CEP63: variants seen among roughly 807,000 people sequenced by gnomAD.
CEP63 encodes centrosomal protein 63.
CEP63 carries 84 observed loss-of-function variants against 89.1 expected under a neutral mutation model. That is an observed-to-expected ratio of 0.94 (90% CI 0.79 to 1.13). The LOEUF (loss-of-function observed/expected upper bound fraction) is 1.13. Among genes scored for constraint, CEP63 ranks in the 50% most tolerant of loss-of-function variants. The pLI is 0.00. For missense variants in CEP63, 838 were observed against 813.3 expected (o/e 1.03, Z -0.37); for synonymous variants, 267 against 272.5 (o/e 0.98, Z 0.20).
At chr3:134,610,675 C>T in the CEP63 span, 556 of 305,062 alleles carry the variant, frequency 1.8e-3, 8 homozygotes, top group Middle Eastern at 8.9e-4. Flanking sequence ...ATGTTCATCC[C>T]TAGAGCCTGC....
intron 3 of CEP63, among the ~76,000 whole-genome samples, chr3:134,527,347 C>T (rs568538451): frequency 6.6e-6 from 1 of 152,224 alleles, no homozygotes; most frequent in South Asian, 2.1e-4. Flanking sequence ...GTGGTTGCTC[C>T]ATGCAGGGGA....
At chr3:134,733,649 A>T in the CEP63 span, among the ~76,000 whole-genome samples, 1 of 152,162 alleles carries the variant, frequency 6.6e-6, no homozygotes, top group Non-Finnish European at 1.5e-5. Flanking sequence ...GTGCCAGTGG[A>T]GGCAGAGACT....
intron 12 of CEP63, among the ~76,000 whole-genome samples, chr3:134,554,087 C>T (rs1204137901): frequency 1.3e-5 from 2 of 151,946 alleles, no homozygotes; most frequent in East Asian, 1.9e-4. Context: ...TTATTTTTTT[C>T]CTTTTATTAT....
At chr3:134,580,571 G>A (rs951284459) in intron 10 of CEP63, among the ~76,000 whole-genome samples, 3 of 152,078 alleles carry the variant, frequency 2.0e-5, no homozygotes, top group African/African-American at 4.8e-5. Flanking sequence ...TGGCAAAACC[G>A]TGATACCAAA....
chr3:134,541,375 TTAGTG>T (rs1434919920), intron 6 of CEP63, among the ~76,000 whole-genome samples: 2 of 152,276 alleles, frequency 1.3e-5, no homozygotes, highest in East Asian at 3.9e-4. Flanking sequence ...AAAAATTACT[TTAGTG>T]TAAGGTATTT....
chr3:134,501,138 A>G (rs113164415), intron 2 of CEP63, among the ~76,000 whole-genome samples: 10 of 152,176 alleles, frequency 6.6e-5, no homozygotes, highest in African/African-American at 1.7e-4. Flanking sequence ...GTTGAAGATC[A>G]GTTCATTGTA....
the CEP63 span, among the ~76,000 whole-genome samples, chr3:134,727,777 G>T: frequency 6.6e-6 from 1 of 152,174 alleles, no homozygotes; most frequent in Non-Finnish European, 1.5e-5. Flanking sequence ...GCATGTGTTA[G>T]GGAAGAAACA....
At chr3:134,771,170 G>T in the CEP63 span, among the ~76,000 whole-genome samples, 3 of 152,160 alleles carry the variant, frequency 2.0e-5, no homozygotes, top group Non-Finnish European at 4.4e-5. Flanking sequence ...CATCCACTTT[G>T]CTGGCTTCCT....
At chr3:134,693,450 A>T in the CEP63 span, among the ~76,000 whole-genome samples, 1,139 of 152,190 alleles carry the variant, frequency 7.5e-3, 66 homozygotes, top group South Asian at 0.13. Context: ...TAAGCAAAAA[A>T]AAGAAAAGTA....
intron 11 of CEP63, 39 bp downstream of exon 11, chr3:134,550,299 G>T: frequency 3.2e-6 from 5 of 1,573,862 alleles, no homozygotes; most frequent in Non-Finnish European, 4.4e-6. Context: ...TTTGAAATTT[G>T]TTTTAAAGAT....
the CEP63 span, chr3:134,604,202 T>C: frequency 6.2e-7 from 1 of 1,612,772 alleles, no homozygotes; most frequent in Non-Finnish European, 8.5e-7. Flanking sequence ...GAGAACCAGC[T>C]GGGGCCCACG....
chr3:134,742,237 T>C, the CEP63 span, among the ~76,000 whole-genome samples: 3 of 152,142 alleles, frequency 2.0e-5, no homozygotes, highest in Non-Finnish European at 4.4e-5. Flanking sequence ...CTCATACTCC[T>C]GGGTCTTCTT....
At chr3:134,570,962 A>T (rs1483290316) in intron 11 of CEP63, among the ~76,000 whole-genome samples, 1 of 152,162 alleles carries the variant, frequency 6.6e-6, no homozygotes, top group Non-Finnish European at 1.5e-5. Flanking sequence ...AAAACATCAG[A>T]TCTCATGAGA....
chr3:134,532,968 T>G, intron 5 of CEP63, 68 bp downstream of exon 5: 1 of 1,555,920 alleles, frequency 6.4e-7, no homozygotes. Flanking sequence ...CGGTTTCTAA[T>G]GGCACTATTT....
intron 1 of CEP63, among the ~76,000 whole-genome samples, chr3:134,491,017 T>A (rs1937429239): frequency 6.6e-6 from 1 of 152,236 alleles, no homozygotes; most frequent in South Asian, 2.1e-4. Context: ...TTACAAATAG[T>A]CATGCAGTGA....
At chr3:134,750,829 G>C in the CEP63 span, among the ~76,000 whole-genome samples, 2 of 152,188 alleles carry the variant, frequency 1.3e-5, no homozygotes, top group Non-Finnish European at 2.9e-5. Context: ...AGAAAGCTTT[G>C]TTTGCTTTTT....
intron 9 of CEP63, 57 bp from the exon 10 acceptor site, chr3:134,549,005 A>G (rs1954225772): frequency 9.8e-7 from 1 of 1,022,778 alleles, no homozygotes. Context: ...TAGATAGTCC[A>G]ATTTATAGGT....
chr3:134,632,486 T>C, the CEP63 span, among the ~76,000 whole-genome samples: 128 of 152,048 alleles, frequency 8.4e-4, no homozygotes, highest in African/African-American at 3.0e-3. Flanking sequence ...TATTAAAAAT[T>C]AACATACTTT....
chr3:134,646,348 T>C, the CEP63 span, among the ~76,000 whole-genome samples: 16 of 152,026 alleles, frequency 1.1e-4, no homozygotes, highest in African/African-American at 3.9e-4. Flanking sequence ...GGGGAGTGTG[T>C]CTTGAGGACT....
Sources: gnomAD v4.1 joint callset for allele counts (sites outside exome capture counted in the v4.1 genomes callset) on GRCh38, gnomAD v4.1.1 for gene constraint, MANE v1.5 for transcripts, NCBI Gene and HGNC (gene_info 2026-07-23, HGNC 2026-07-21) for gene names.